DYSF: variants seen among roughly 807,000 people sequenced by gnomAD.
DYSF encodes dysferlin, also known as dystrophy-associated fer-1-like 1.
In DYSF, 212 loss-of-function variants were observed where a neutral mutation model predicts 274.9. The observed-to-expected ratio is 0.77, with a 90% CI of 0.69 to 0.86. The LOEUF is 0.86. DYSF is among the 40% of genes least tolerant of loss of function. The pLI, the probability that DYSF is intolerant of heterozygous loss-of-function variation, is 0.00. For synonymous variants in DYSF, 1,091 were observed against 1,078.7 expected (o/e 1.01, Z -0.22); for missense variants, 2,666 against 2,783.2 (o/e 0.96, Z 0.95).
chr2:71,672,831 G>A (rs73942369), intron 51 of DYSF, among the ~76,000 whole-genome samples: 5 of 152,220 alleles, frequency 3.3e-5, no homozygotes, highest in Admixed American at 6.5e-5. Context: ...CCCGGAAAAG[G>A]GGGGAGGCAC....
At chr2:71,581,277 C>T (rs1158670395) in intron 30 of DYSF, among the ~76,000 whole-genome samples, 1 of 152,264 alleles carries the variant, frequency 6.6e-6, no homozygotes, top group Non-Finnish European at 1.5e-5. Flanking sequence ...ATTCCACCCT[C>T]AGCTCCCCAG....
intron 3 of DYSF, among the ~76,000 whole-genome samples, chr2:71,483,214 G>A (rs56196061): frequency 0.18 from 26,820 of 152,140 alleles, 3,129 homozygotes; most frequent in East Asian, 0.59. Context: ...GTGGGCCAGG[G>A]CATCTTGGGC....
chr2:71,504,225 C>G (rs959006622), intron 4 of DYSF, among the ~76,000 whole-genome samples: 1 of 152,128 alleles, frequency 6.6e-6, no homozygotes, highest in Admixed American at 6.5e-5. Context: ...GGACCAGGAG[C>G]TCATCCCCTA....
chr2:71,581,651 G>A (rs779536290), intron 30 of DYSF, among the ~76,000 whole-genome samples: 5 of 152,208 alleles, frequency 3.3e-5, no homozygotes, highest in Non-Finnish European at 7.3e-5. Flanking sequence ...AGAGCCTTGA[G>A]AGTGGGCAGG....
chr2:71,655,099 AC>A (rs1334479996), intron 42 of DYSF, among the ~76,000 whole-genome samples: 4 of 151,776 alleles, frequency 2.6e-5, no homozygotes, highest in Admixed American at 2.6e-4. Flanking sequence ...CCTCACTTGC[AC>A]CCCCCATCCA....
chr2:71,556,283 C>T (rs191755326), intron 22 of DYSF, among the ~76,000 whole-genome samples: 12 of 152,320 alleles, frequency 7.9e-5, no homozygotes, highest in African/African-American at 1.2e-4. Context: ...CCTGCAGCAG[C>T]GGCAGCTGCG....
At chr2:71,622,891 A>G (rs755049438) in intron 41 of DYSF, among the ~76,000 whole-genome samples, 1 of 152,252 alleles carries the variant, frequency 6.6e-6, no homozygotes, top group Non-Finnish European at 1.5e-5. Context: ...TTGGGATTAC[A>G]GGTGTGAGCC....
intron 17 of DYSF, among the ~76,000 whole-genome samples, chr2:71,548,657 C>T (rs2090677604): frequency 6.6e-6 from 1 of 152,218 alleles, no homozygotes; most frequent in South Asian, 2.1e-4. Flanking sequence ...CTAGACATTC[C>T]TTACCAACAT....
chr2:71,482,157 T>C (rs1348193969), intron 3 of DYSF, among the ~76,000 whole-genome samples, 187 bp downstream of exon 3: 5 of 152,094 alleles, frequency 3.3e-5, no homozygotes, highest in Admixed American at 6.5e-5. Flanking sequence ...AACTCAGCCA[T>C]GGGTACAGCT....
At chr2:71,455,745 T>G (rs566188513) in intron 1 of DYSF, among the ~76,000 whole-genome samples, 1 of 152,116 alleles carries the variant, frequency 6.6e-6, no homozygotes, top group Non-Finnish European at 1.5e-5. Flanking sequence ...CCCCTGAACC[T>G]GGGGGCTGGT....
At chr2:71,602,050 T>C (rs559235842) in intron 35 of DYSF, among the ~76,000 whole-genome samples, 1 of 152,366 alleles carries the variant, frequency 6.6e-6, no homozygotes, top group African/African-American at 2.4e-5. Context: ...GAATTGTTCT[T>C]ACCAAGACCT....
chr2:71,562,247 G>GT (rs918027908), intron 23 of DYSF, among the ~76,000 whole-genome samples: 1 of 152,132 alleles, frequency 6.6e-6, no homozygotes, highest in Non-Finnish European at 1.5e-5. Context: ...AGAATCCAAG[G>GT]TACCTGGTTC....
chr2:71,544,619 C>A (rs2090318837), intron 17 of DYSF, among the ~76,000 whole-genome samples: 3 of 152,182 alleles, frequency 2.0e-5, no homozygotes, highest in African/African-American at 7.2e-5. Context: ...GCCACCATAC[C>A]TGGCTAATAT....
At chr2:71,535,712 C>T (rs1029670546) in intron 16 of DYSF, among the ~76,000 whole-genome samples, 2 of 152,038 alleles carry the variant, frequency 1.3e-5, no homozygotes, top group Non-Finnish European at 2.9e-5. Flanking sequence ...TGCGGTGCTG[C>T]CCTGGGTTGG....
At chr2:71,556,148 TG>T in intron 22 of DYSF, 77 bp downstream of exon 22, 1 of 1,266,080 alleles carries the variant, frequency 7.9e-7, no homozygotes, top group Non-Finnish European at 1.1e-6. Context: ...TGCTCGTGTG[TG>T]GCAGTGAGCA....
chr2:71,628,014 C>T (rs923206404), intron 41 of DYSF, among the ~76,000 whole-genome samples: 6 of 152,176 alleles, frequency 3.9e-5, no homozygotes, highest in African/African-American at 1.2e-4. Context: ...TAGATAGATT[C>T]TATTTGTGTT....
intron 40 of DYSF, among the ~76,000 whole-genome samples, chr2:71,613,852 T>C (rs1291774950): frequency 2.6e-5 from 4 of 152,112 alleles, no homozygotes; most frequent in African/African-American, 9.7e-5. Context: ...GCTTGGTGGC[T>C]CCTTGGAGAC....
chr2:71,568,882 T>C (rs1167929849), intron 26 of DYSF, among the ~76,000 whole-genome samples: 1 of 150,494 alleles, frequency 6.6e-6, no homozygotes, highest in African/African-American at 2.5e-5. Context: ...CTCTCTCTTT[T>C]TTTTTTTTGA....
intron 1 of DYSF, among the ~76,000 whole-genome samples, chr2:71,471,849 C>G (rs911604046): frequency 6.6e-6 from 1 of 152,038 alleles, no homozygotes; most frequent in Non-Finnish European, 1.5e-5. Context: ...GCCTGTAATC[C>G]CAGCTACTTG....
Sources: allele counts gnomAD v4.1 joint callset (sites outside exome capture counted in the v4.1 genomes callset), GRCh38; gene constraint gnomAD v4.1.1; transcripts MANE v1.5; gene names NCBI Gene and HGNC (gene_info 2026-07-23, HGNC 2026-07-21).